The following PRKCA variants were observed in gnomAD, a reference collection of about 807,000 sequenced individuals.
PRKCA encodes the protein protein kinase C alpha type.
A neutral mutation model predicts 87.0 loss-of-function variants in PRKCA; 27 were observed. The ratio of observed to expected loss-of-function variants is 0.31; its 90% confidence interval spans 0.23 to 0.43. The LOEUF (loss-of-function observed/expected upper bound fraction) is 0.43, where lower values mean the gene tolerates loss of function less well. Among genes scored for constraint, PRKCA ranks in the 20% least tolerant of loss-of-function variants. The probability of loss-of-function intolerance (pLI) is 1.00; values close to 1 mark genes in which losing one functional copy is unlikely to be tolerated. For missense variants in PRKCA, 518 were observed against 852.3 expected, an observed-to-expected ratio of 0.61 and a Z score of 4.88; for synonymous variants, 329 against 311.1, an observed-to-expected ratio of 1.06 and a Z score of -0.61.
At chr17:66,607,922 G>A (rs1970255466) in intron 3 of PRKCA, among the ~76,000 whole-genome samples, 2 of 152,222 alleles carry the variant, frequency 1.3e-5, no homozygotes, top group South Asian at 4.1e-4. Flanking sequence ...TGTTTGGGTA[G>A]CTACATGGTC....
At chr17:66,338,782 T>C (rs908042574) in intron 2 of PRKCA, among the ~76,000 whole-genome samples, 1 of 152,232 alleles carries the variant, frequency 6.6e-6, no homozygotes, top group Non-Finnish European at 1.5e-5. Context: ...TTTAATTGGC[T>C]CTTCCTGGCA....
At chr17:66,456,220 T>G (rs995476429) in intron 2 of PRKCA, among the ~76,000 whole-genome samples, 1 of 152,176 alleles carries the variant, frequency 6.6e-6, no homozygotes, top group African/African-American at 2.4e-5. Flanking sequence ...CAGACTTTTG[T>G]CCTCCAGTAG....
intron 2 of PRKCA, among the ~76,000 whole-genome samples, chr17:66,477,121 A>G (rs1413247377): frequency 6.6e-6 from 1 of 152,194 alleles, no homozygotes; most frequent in Admixed American, 6.5e-5. Flanking sequence ...ACTCTGGCCC[A>G]TTAGAAACCA....
chr17:66,476,075 T>G (rs535254414), intron 2 of PRKCA, among the ~76,000 whole-genome samples: 1 of 152,066 alleles, frequency 6.6e-6, no homozygotes, highest in Admixed American at 6.5e-5. Context: ...TTTTTTTGTA[T>G]TTTTAGTAGA....
At position 66,804,973 on chromosome 17, in the gene PRKCA, G is replaced by A; in HGVS notation, c.*936G>A. ...GTTATCCTTCTCAAGAAGCTGAAGT[G>A]TACGCCCTCTCCCCTTTTGTGCTTA... On this transcript the variant is annotated 3_prime_UTR_variant, in exon 17 of 17. Transcript: ENST00000413366. 2.0e-6 allele frequency: 2 copies of A among 984,572 alleles called. No individual in the cohort carries two copies. The highest frequency in any genetic ancestry group is 2.4e-6 in the Non-Finnish European group (2 of 828,930). The allele number at this position is 984,572 out of a possible 1,614,324, so 61.0% of individuals were successfully genotyped here.
In PRKCA at chr17:66,805,014, G is replaced by T. The variant is rs1219227430; in HGVS notation, c.*977G>T. 1 of 984,924 alleles carries T rather than the reference G, an allele frequency of 1.0e-6. No individual in the cohort carries two copies. Among genetic ancestry groups the T allele is most frequent in the Admixed American group, 6.2e-5 (1 of 16,260 alleles). The allele number at this position is 984,924 out of a possible 1,614,324, so 61.0% of individuals were successfully genotyped here. On this transcript the variant is annotated 3_prime_UTR_variant, in exon 17 of 17. Transcript: ENST00000413366. ...TTTGTGCTTATTTATTTAATAGGCT[G>T]CAGTGTCGCTTATGAAAGTACGATG... is the stretch of plus-strand genomic sequence containing the variant.
At chr17:66,637,824 G>A (rs759618138) in intron 3 of PRKCA, among the ~76,000 whole-genome samples, 26 of 152,152 alleles carry the variant, frequency 1.7e-4, no homozygotes, top group Non-Finnish European at 2.5e-4. Context: ...TTTCTGACTC[G>A]GTTGGTCTGG....
chr17:66,470,176 C>G lies in PRKCA; in HGVS notation c.206-26025C>G, dbSNP rs1414238526. ...TATTTCAGAGCTGATGCTTAATGGA[C>G]CTGAACCAGTTTGCTTTTTTTTTTT... On this transcript the variant is annotated intron_variant, in intron 2 of 16. Transcript: ENST00000413366. Among the ~76,000 whole-genome samples, 9 of 145,852 alleles carry G rather than the reference C, an allele frequency of 6.2e-5. No individual in the cohort carries two copies. In the Admixed American group the frequency reaches 6.3e-4, roughly 10 times the overall value.
At chr17:66,614,071 A>G (rs1288547618) in intron 3 of PRKCA, among the ~76,000 whole-genome samples, 2 of 152,120 alleles carry the variant, frequency 1.3e-5, no homozygotes, top group Non-Finnish European at 2.9e-5. Context: ...GATTACAGGC[A>G]TGAGCCACCA....
intron 2 of PRKCA, among the ~76,000 whole-genome samples, chr17:66,407,277 G>T (rs369970870): frequency 2.0e-5 from 3 of 152,080 alleles, no homozygotes; most frequent in Admixed American, 1.3e-4. Flanking sequence ...TCATGGGGGC[G>T]GATCCTTTGT....
At position 66,629,413 on chromosome 17, in the gene PRKCA, A is replaced by G. The variant is rs549843478; in HGVS notation, c.289-11942A>G. Among the ~76,000 whole-genome samples the G allele has an allele frequency of 9.8e-5, 15 of 152,352 alleles. No homozygotes were observed. The East Asian group carries it at 2.7e-3, about 27-fold the overall frequency. On this transcript the variant is annotated intron_variant, in intron 3 of 16. Coordinates refer to ENST00000413366, the MANE Select transcript of PRKCA (RefSeq NM_002737.3). ...CCCACATCATCACAGAATAGCAGACAGGGTACCTCACACAATGACCTGATC... is the reference window on the plus strand; with the variant it reads ...CCCACATCATCACAGAATAGCAGACGGGGTACCTCACACAATGACCTGATC...
intron 2 of PRKCA, among the ~76,000 whole-genome samples, chr17:66,324,447 C>CAAAAAAAAAAA (rs61047065): frequency 1.4e-4 from 13 of 90,550 alleles, no homozygotes; most frequent in African/African-American, 3.5e-4. Context: ...ACTAAAAATA[C>CAAAAAAAAAAA]AAAAAAAAAA....
At chr17:66,414,852 A>G (rs1912042696) in intron 2 of PRKCA, 1 of 152,204 alleles carries the variant, frequency 6.6e-6, no homozygotes, top group East Asian at 1.9e-4. Context: ...ATAGTAAGAC[A>G]TACTATGAAG....
At chr17:66,559,884 C>T (rs1968628139) in intron 3 of PRKCA, among the ~76,000 whole-genome samples, 1 of 152,130 alleles carries the variant, frequency 6.6e-6, no homozygotes, top group South Asian at 2.1e-4. Flanking sequence ...GTTCTGGCCG[C>T]TGGGGCAGAT....
At chr17:66,336,064 ATT>A (rs1906645596) in intron 2 of PRKCA, among the ~76,000 whole-genome samples, 1 of 152,146 alleles carries the variant, frequency 6.6e-6, no homozygotes, top group African/African-American at 2.4e-5. Flanking sequence ...ATATGTCATC[ATT>A]GTTTCAATTT....
At chr17:66,801,503 G>C (rs1282000178) in intron 16 of PRKCA, among the ~76,000 whole-genome samples, 1 of 152,234 alleles carries the variant, frequency 6.6e-6, no homozygotes, top group African/African-American at 2.4e-5. Flanking sequence ...GTTTCTGTTT[G>C]TTTAACTGAT....
chr17:66,348,104 G>T (rs373021943), intron 2 of PRKCA, among the ~76,000 whole-genome samples: 250 of 151,876 alleles, frequency 1.6e-3, no homozygotes, highest in African/African-American at 5.7e-3. Flanking sequence ...ACCACGCCCG[G>T]CTAATTTTTA....
At chr17:66,335,752 C>A (rs747918611) in intron 2 of PRKCA, among the ~76,000 whole-genome samples, 2 of 152,032 alleles carry the variant, frequency 1.3e-5, no homozygotes, top group Non-Finnish European at 1.5e-5. Context: ...TTTTTAGCCA[C>A]TGTCATTTTT....
intron 3 of PRKCA, among the ~76,000 whole-genome samples, chr17:66,616,964 G>C (rs556403708): frequency 1.3e-5 from 2 of 152,100 alleles, no homozygotes; most frequent in African/African-American, 2.4e-5. Flanking sequence ...GGTTGGGTAC[G>C]AACGGGACAT....
Sources: gnomAD v4.1 joint callset for allele counts (sites outside exome capture counted in the v4.1 genomes callset) on GRCh38, gnomAD v4.1.1 for gene constraint, MANE v1.5 for transcripts, NCBI Gene and HGNC (gene_info 2026-07-23, HGNC 2026-07-21) for gene names.